The following HPSE2 variants were observed in gnomAD, a reference collection of about 807,000 sequenced individuals.
HPSE2 encodes the protein inactive heparanase-2.
In HPSE2, 38 loss-of-function variants were observed where a neutral mutation model predicts 60.5. That is an observed-to-expected ratio of 0.63 (90% confidence interval 0.48 to 0.82). The LOEUF (loss-of-function observed/expected upper bound fraction) is 0.82. Among genes scored for constraint, HPSE2 ranks in the 40% least tolerant of loss-of-function variants. The pLI, the probability that HPSE2 is intolerant of heterozygous loss-of-function variation, is 0.00. For synonymous variants in HPSE2, 295 were observed against 293.2 expected, an observed-to-expected ratio of 1.01 and a Z score of -0.06; for missense variants, 713 against 740.4, an observed-to-expected ratio of 0.96 and a Z score of 0.43.
the HPSE2 span, among the ~76,000 whole-genome samples, chr10:99,252,760 C>T: frequency 3.3e-5 from 5 of 151,888 alleles, no homozygotes; most frequent in Non-Finnish European, 7.4e-5. Context: ...GCCTGTAGTC[C>T]CAGCTACTCG....
At chr10:98,881,605 T>C (rs1019398244) in intron 3 of HPSE2, among the ~76,000 whole-genome samples, 9 of 152,048 alleles carry the variant, frequency 5.9e-5, no homozygotes, top group Non-Finnish European at 1.0e-4. Flanking sequence ...AATAATAATA[T>C]AGAATGAGAA....
At chr10:98,552,020 C>T (rs1433899738) in intron 9 of HPSE2, among the ~76,000 whole-genome samples, 1 of 151,970 alleles carries the variant, frequency 6.6e-6, no homozygotes, top group Non-Finnish European at 1.5e-5. Flanking sequence ...GCAAAGACAG[C>T]AGGGAAAGAA....
At chr10:99,312,373 C>T in the HPSE2 span, among the ~76,000 whole-genome samples, 4 of 152,176 alleles carry the variant, frequency 2.6e-5, no homozygotes, top group East Asian at 1.9e-4. Context: ...TTAATACAGC[C>T]GGCGACTTTA....
chr10:98,701,838 C>T (rs1037223747), intron 5 of HPSE2, among the ~76,000 whole-genome samples: 13 of 152,020 alleles, frequency 8.6e-5, no homozygotes, highest in Admixed American at 7.9e-4. Context: ...AAACCAGTAC[C>T]AGCCACTGCA....
At chr10:99,183,618 T>C (rs1322422730) in intron 2 of HPSE2, among the ~76,000 whole-genome samples, 1 of 152,198 alleles carries the variant, frequency 6.6e-6, no homozygotes, top group Non-Finnish European at 1.5e-5. Context: ...ATCAGGGTGA[T>C]GGATTTGATG....
chr10:99,134,608 A>T (rs147317370), intron 3 of HPSE2, among the ~76,000 whole-genome samples: 1,711 of 152,254 alleles, frequency 0.011, 35 homozygotes, highest in African/African-American at 0.038. Flanking sequence ...GAATTTCATA[A>T]CCAACCAAAC....
At chr10:99,171,939 G>A (rs10786513) in intron 2 of HPSE2, among the ~76,000 whole-genome samples, 74,053 of 151,986 alleles carry the variant, frequency 0.49, 20,779 homozygotes, top group East Asian at 0.65. Context: ...TTGCCCTTTG[G>A]TGTAATCCAA....
At chr10:98,869,778 T>C (rs983323975) in intron 3 of HPSE2, among the ~76,000 whole-genome samples, 4 of 152,156 alleles carry the variant, frequency 2.6e-5, no homozygotes, top group Admixed American at 2.0e-4. Context: ...AATTGTGTGA[T>C]CATGGGCAAG....
At chr10:98,914,070 A>T (rs974096809) in intron 3 of HPSE2, among the ~76,000 whole-genome samples, 1 of 152,186 alleles carries the variant, frequency 6.6e-6, no homozygotes, top group African/African-American at 2.4e-5. Flanking sequence ...CCCAAATCTC[A>T]TCTTGAATTG....
At chr10:99,175,436 G>T (rs547442361) in intron 2 of HPSE2, among the ~76,000 whole-genome samples, 21 of 152,242 alleles carry the variant, frequency 1.4e-4, no homozygotes, top group Non-Finnish European at 2.8e-4. Context: ...CTTGTTGGGA[G>T]AGGGGTGTCC....
intron 3 of HPSE2, among the ~76,000 whole-genome samples, chr10:98,886,722 A>C (rs1309090450): frequency 2.6e-5 from 4 of 152,128 alleles, no homozygotes; most frequent in African/African-American, 7.2e-5. Context: ...TCAGTAGTGG[A>C]GATAAAAATT....
intron 3 of HPSE2, among the ~76,000 whole-genome samples, chr10:98,752,723 A>G (rs1017167738): frequency 1.3e-5 from 2 of 152,166 alleles, no homozygotes; most frequent in African/African-American, 2.4e-5. Flanking sequence ...CCAAAAGACC[A>G]AAAAGATATC....
At chr10:99,184,807 TATATATATATATAG>T (rs1406474625) in intron 2 of HPSE2, among the ~76,000 whole-genome samples, 5 of 36,178 alleles carry the variant, frequency 1.4e-4, no homozygotes, top group African/African-American at 2.9e-4. Context: ...TATATATATA[TATATATATATATAG>T]AGAGAGAGAG....
At chr10:99,281,936 G>GA in the HPSE2 span, among the ~76,000 whole-genome samples, 19 of 150,738 alleles carry the variant, frequency 1.3e-4, no homozygotes, top group African/African-American at 3.9e-4. Context: ...ATTATTATCA[G>GA]AAAAAAAAAT....
intron 9 of HPSE2, among the ~76,000 whole-genome samples, chr10:98,595,552 A>G (rs1589473944): frequency 6.6e-6 from 1 of 152,120 alleles, no homozygotes; most frequent in East Asian, 1.9e-4. Context: ...TATTGGTTTT[A>G]TATCCTGCAA....
intron 3 of HPSE2, among the ~76,000 whole-genome samples, chr10:98,762,001 T>TTCCCC (rs1258568348): frequency 7.3e-6 from 1 of 137,248 alleles, no homozygotes; most frequent in Non-Finnish European, 1.6e-5. Flanking sequence ...CTCCCCTGTC[T>TTCCCC]TCCCCTCCCC....
chr10:98,773,892 C>A (rs1326188575), intron 3 of HPSE2, among the ~76,000 whole-genome samples: 1 of 151,900 alleles, frequency 6.6e-6, no homozygotes, highest in East Asian at 1.9e-4. Context: ...CTTATCTCTA[C>A]AAAAAATTTT....
chr10:99,276,291 A>G, the HPSE2 span, among the ~76,000 whole-genome samples: 1 of 152,196 alleles, frequency 6.6e-6, no homozygotes, highest in Non-Finnish European at 1.5e-5. Context: ...TATTTACACT[A>G]CAACCCAATA....
chr10:99,260,241 CAA>C, the HPSE2 span, among the ~76,000 whole-genome samples: 63 of 144,414 alleles, frequency 4.4e-4, 1 homozygote, highest in East Asian at 6.0e-4. Flanking sequence ...TGAGCTCCTA[CAA>C]AAAAAAAAAA....
Sources: allele counts gnomAD v4.1 joint callset (sites outside exome capture counted in the v4.1 genomes callset), GRCh38; gene constraint gnomAD v4.1.1; transcripts MANE v1.5; gene names NCBI Gene and HGNC (gene_info 2026-07-23, HGNC 2026-07-21).